The following CFDP1 variants were observed in gnomAD, a reference collection of about 807,000 sequenced individuals.
CFDP1 encodes the protein chromatin remodeling protein CFDP1, also known as heterochromatin-stabilizing protein CFDP1.
In CFDP1, 31 loss-of-function variants were observed where a neutral mutation model predicts 40.1. The observed-to-expected ratio is 0.77, with a 90% CI of 0.58 to 1.04. CFDP1 has a LOEUF of 1.04. Among genes scored for constraint, CFDP1 ranks in the 50% least tolerant of loss-of-function variants. CFDP1 has a pLI of 0.00. For missense variants in CFDP1, 423 were observed against 343.4 expected (o/e 1.23, Z -1.83); for synonymous variants, 167 against 120.0 (o/e 1.39, Z -2.56).
In CFDP1 at chr16:75,325,795, C is replaced by T. The variant is rs376085971; in HGVS notation, c.651-20613G>A. ...GATTAAAGTAACAACTCTGCATTGG[C>T]TAACCTCTTAGTTGCTACTCAAGCT... On this transcript the variant is annotated intron_variant, in intron 5 of 6. Transcript: ENST00000283882. 3.9e-5 allele frequency among the ~76,000 whole-genome samples: 6 copies of T among 152,340 alleles called. No homozygotes were observed. The East Asian group carries it at 5.8e-4, about 15-fold the overall frequency.
chr16:75,300,250 G>C (rs2078212992), intron 6 of CFDP1, among the ~76,000 whole-genome samples: 1 of 152,050 alleles, frequency 6.6e-6, no homozygotes, highest in South Asian at 2.1e-4. Context: ...TGGACTTGTG[G>C]GATGTTGGTG....
At chr16:75,366,001 T>C (rs1472043132) in intron 5 of CFDP1, among the ~76,000 whole-genome samples, 1 of 152,106 alleles carries the variant, frequency 6.6e-6, no homozygotes, top group Non-Finnish European at 1.5e-5. Context: ...TCTTTGAAAA[T>C]AATTTACCAG....
At chr16:75,398,200 T>C (rs2079014020) in intron 4 of CFDP1, among the ~76,000 whole-genome samples, 1 of 152,230 alleles carries the variant, frequency 6.6e-6, no homozygotes, top group African/African-American at 2.4e-5. Context: ...AGCACTACTG[T>C]AGCAAGAGCT....
chr16:75,405,394 A>C (rs1018071754), intron 4 of CFDP1, among the ~76,000 whole-genome samples: 1 of 152,110 alleles, frequency 6.6e-6, no homozygotes, highest in African/African-American at 2.4e-5. Flanking sequence ...TTGGGAGGCC[A>C]AGCAGGCAGA....
chr16:75,382,041 G>C (rs1472782632), intron 5 of CFDP1, among the ~76,000 whole-genome samples: 1 of 151,356 alleles, frequency 6.6e-6, no homozygotes, highest in Non-Finnish European at 1.5e-5. Flanking sequence ...ACTTGAGCCA[G>C]AATGCAGAGG....
At chr16:75,381,923 C>G (rs1331698921) in intron 5 of CFDP1, among the ~76,000 whole-genome samples, 1 of 151,960 alleles carries the variant, frequency 6.6e-6, no homozygotes, top group African/African-American at 2.4e-5. Flanking sequence ...TGGGAAAACC[C>G]TAAGCAAATA....
chr16:75,367,086 C>T (rs1369791783), intron 5 of CFDP1, among the ~76,000 whole-genome samples: 2 of 149,642 alleles, frequency 1.3e-5, no homozygotes, highest in Non-Finnish European at 3.0e-5. Context: ...ACTACTTGAA[C>T]CTGGGAGACA....
intron 5 of CFDP1, among the ~76,000 whole-genome samples, chr16:75,327,922 G>A (rs1309906665): frequency 6.6e-6 from 1 of 152,010 alleles, no homozygotes; most frequent in Non-Finnish European, 1.5e-5. Context: ...TAGAGATGGG[G>A]CGTCACCATG....
At chr16:75,368,485 G>T (rs2078731715) in intron 5 of CFDP1, among the ~76,000 whole-genome samples, 2 of 152,260 alleles carry the variant, frequency 1.3e-5, no homozygotes, top group East Asian at 1.9e-4. Context: ...TCTCTCTACT[G>T]TATGAAATTT....
chr16:75,364,428 T>A (rs1016309074), intron 5 of CFDP1, among the ~76,000 whole-genome samples: 2 of 152,108 alleles, frequency 1.3e-5, no homozygotes, highest in Non-Finnish European at 2.9e-5. Context: ...GATGGGAGAT[T>A]TTTTTCAGGG....
At chr16:75,414,744 C>A in intron 1 of CFDP1, 49 bp from the exon 2 acceptor site, 1 of 1,222,480 alleles carries the variant, frequency 8.2e-7, no homozygotes, top group Non-Finnish European at 1.2e-6. Context: ...GTTTTCACAT[C>A]AAGATGAGAC....
chr16:75,367,430 TA>T (rs35774804), intron 5 of CFDP1, among the ~76,000 whole-genome samples: 316 of 120,026 alleles, frequency 2.6e-3, no homozygotes, highest in African/African-American at 4.6e-3. Flanking sequence ...ACTCCAGAAC[TA>T]AAAAAAAAAA....
intron 4 of CFDP1, among the ~76,000 whole-genome samples, chr16:75,410,974 T>G (rs924324790): frequency 4.1e-4 from 60 of 147,954 alleles, no homozygotes; most frequent in Non-Finnish European, 7.1e-4. Context: ...ATCCTAGCAC[T>G]TTGGGAGGCC....
chr16:75,377,987 T>G (rs970863263), intron 5 of CFDP1, among the ~76,000 whole-genome samples: 3 of 152,190 alleles, frequency 2.0e-5, no homozygotes, highest in Admixed American at 1.3e-4. Context: ...ATCCCTTAGA[T>G]ACATTTTAAC....
chr16:75,412,651 G>C lies in CFDP1; in HGVS notation c.286C>G (p.Gln96Glu), dbSNP rs1387312728. The C allele has an allele frequency of 6.2e-7, 1 of 1,614,010 alleles. No homozygotes were observed. Among genetic ancestry groups the C allele is most frequent in the East Asian group, 2.2e-5 (1 of 44,872 alleles). Residue 96 changes from glutamine (Q) to glutamate (E), a missense_variant, in exon 3 of 7, where the codon CAG becomes GAG. Gln to Glu is a conservative substitution (Grantham distance 29). Transcript: ENST00000283882. ...SSEEEDDAAE[Q>E]EKGIGSEDAR... is the part of the protein sequence containing the mutation. ...TCCTCTGATCCAATGCCTTTTTCCT[G>C]CTCTGCAGCGTCATCTTCCTCCTCA...
chr16:75,340,201 C>G (rs2078517276), intron 5 of CFDP1, among the ~76,000 whole-genome samples: 1 of 152,202 alleles, frequency 6.6e-6, no homozygotes, highest in Non-Finnish European at 1.5e-5. Flanking sequence ...CGCAATGCTC[C>G]TACGATGATC....
At chr16:75,380,476 T>C (rs781348545) in intron 5 of CFDP1, among the ~76,000 whole-genome samples, 2 of 152,010 alleles carry the variant, frequency 1.3e-5, no homozygotes, top group Admixed American at 6.6e-5. Context: ...AAAAATGGTC[T>C]TGAGCTTACA....
intron 5 of CFDP1, among the ~76,000 whole-genome samples, chr16:75,318,776 C>T (rs1220349815): frequency 6.6e-6 from 1 of 152,154 alleles, no homozygotes; most frequent in Non-Finnish European, 1.5e-5. Flanking sequence ...GGATGCATGT[C>T]TCTGTCTCTT....
At chr16:75,304,922 G>GA (rs1387946292) in intron 6 of CFDP1, 102 bp downstream of exon 6, 1 of 1,235,028 alleles carries the variant, frequency 8.1e-7, no homozygotes, top group African/African-American at 1.5e-5. Flanking sequence ...GTTCCATCAT[G>GA]AAAAGCTCCT....
Sources: gnomAD v4.1 joint callset for allele counts (sites outside exome capture counted in the v4.1 genomes callset) on GRCh38, gnomAD v4.1.1 for gene constraint, MANE v1.5 for transcripts, NCBI Gene and HGNC (gene_info 2026-07-23, HGNC 2026-07-21) for gene names.